Variants in PUM1 observed in about 807,000 individuals in gnomAD.
The protein encoded by PUM1 is pumilio homolog 1.
A neutral mutation model predicts 131.8 loss-of-function variants in PUM1; 13 were observed. That is an observed-to-expected ratio of 0.10 (90% confidence interval 0.06 to 0.16). PUM1 has a LOEUF of 0.16. PUM1 is among the 10% of genes least tolerant of loss of function. PUM1 has a pLI of 1.00. For synonymous variants in PUM1, 509 were observed against 556.5 expected (o/e 0.91, Z 1.20); for missense variants, 961 against 1,512.4 (o/e 0.64, Z 6.05).
intron 2 of PUM1, among the ~76,000 whole-genome samples, chr1:31,038,984 A>ATATATTTTTTTTTTTTT: frequency 1.2e-4 from 6 of 49,414 alleles, no homozygotes; most frequent in African/African-American, 8.3e-4. Flanking sequence ...ATATATATAT[A>ATATATTTTTTTTTTTTT]TTTTTTTTTT....
intron 2 of PUM1, chr1:31,036,704 A>G (rs1643622741): frequency 6.6e-6 from 1 of 152,578 alleles, no homozygotes; most frequent in African/African-American, 2.4e-5. Context: ...GAAGAATGCT[A>G]TGAAGTTCCT....
At chr1:30,969,337 G>GAAAAGA (rs1640777195) in intron 10 of PUM1, among the ~76,000 whole-genome samples, 1 of 115,324 alleles carries the variant, frequency 8.7e-6, no homozygotes, top group South Asian at 2.7e-4. Flanking sequence ...AAAAAAAAAA[G>GAAAAGA]AAAAAAAAAG....
At chr1:31,046,776 C>T (rs960503251) in intron 2 of PUM1, among the ~76,000 whole-genome samples, 3 of 152,036 alleles carry the variant, frequency 2.0e-5, no homozygotes, top group African/African-American at 7.2e-5. Flanking sequence ...GGCCCAACTG[C>T]AAGTACCAAC....
chr1:31,020,794 G>A (rs1454143161), intron 3 of PUM1, among the ~76,000 whole-genome samples: 2 of 152,108 alleles, frequency 1.3e-5, no homozygotes, highest in African/African-American at 4.8e-5. Flanking sequence ...TGTATATAGG[G>A]AATACAACAC....
At chr1:31,037,922 CA>C (rs1323015914) in intron 2 of PUM1, among the ~76,000 whole-genome samples, 1 of 149,664 alleles carries the variant, frequency 6.7e-6, no homozygotes, top group African/African-American at 2.5e-5. Context: ...CTAAAAAATA[CA>C]AAAAAATTAG....
At chr1:31,041,863 CTTTT>C (rs979158820) in intron 2 of PUM1, among the ~76,000 whole-genome samples, 2 of 151,820 alleles carry the variant, frequency 1.3e-5, no homozygotes, top group African/African-American at 4.8e-5. Flanking sequence ...GACTAACATA[CTTTT>C]TTTAAAAAAA....
At chr1:30,971,954 C>A (rs10914239) in intron 10 of PUM1, among the ~76,000 whole-genome samples, 5,599 of 151,928 alleles carry the variant, frequency 0.037, 319 homozygotes, top group African/African-American at 0.13. Context: ...CCACAAAGAG[C>A]AGTTATTAAG....
At chr1:30,992,365 A>G (rs751755806) in intron 7 of PUM1, 25 bp downstream of exon 7, 1 of 1,603,760 alleles carries the variant, frequency 6.2e-7, no homozygotes. Flanking sequence ...GAGAGTAGAG[A>G]GGGTGACAGA....
In PUM1 at chr1:31,021,094, G is replaced by A. The variant is rs74442375; in HGVS notation, c.432+7702C>T. 1.9e-3 allele frequency among the ~76,000 whole-genome samples: 292 copies of A among 152,228 alleles called. 1 individual carries two copies. Among genetic ancestry groups the A allele is most frequent in the Middle Eastern group, 3.4e-3 (1 of 294 alleles). ...GAAAGTACCATCGATCTGTAACAAC[G>A]TAACAACTATATTAAACAAAAGATC... On this transcript the variant is annotated intron_variant, in intron 3 of 21. Coordinates refer to ENST00000426105, the MANE Select transcript of PUM1 (RefSeq NM_001020658.2).
chr1:31,028,117 T>A (rs1474592044), intron 3 of PUM1, among the ~76,000 whole-genome samples: 2 of 152,208 alleles, frequency 1.3e-5, no homozygotes, highest in Admixed American at 1.3e-4. Context: ...ATGTTAGATA[T>A]CTATACTCCC....
intron 14 of PUM1, among the ~76,000 whole-genome samples, chr1:30,961,229 G>A (rs1462838190): frequency 2.0e-5 from 3 of 150,884 alleles, no homozygotes; most frequent in Admixed American, 6.6e-5. Flanking sequence ...AAAAAAAGGA[G>A]CCAGGAATAG....
chr1:31,031,272 T>C (rs776580235), intron 2 of PUM1, among the ~76,000 whole-genome samples: 2 of 152,196 alleles, frequency 1.3e-5, no homozygotes, highest in Non-Finnish European at 2.9e-5. Flanking sequence ...TACATTTAAA[T>C]AGAGCTAGAC....
chr1:30,945,554 C>T, intron 17 of PUM1, 71 bp from the exon 18 acceptor site: 1 of 1,540,690 alleles, frequency 6.5e-7, no homozygotes, highest in Non-Finnish European at 8.9e-7. Context: ...ATTCTTTTCA[C>T]CAAACATGAA....
intron 2 of PUM1, among the ~76,000 whole-genome samples, chr1:31,050,321 C>T (rs1258339554): frequency 1.3e-5 from 2 of 151,828 alleles, no homozygotes; most frequent in Non-Finnish European, 2.9e-5. Context: ...CCTGTCTCTA[C>T]TAAAAATACA....
At chr1:30,933,411 C>A in intron 21 of PUM1, 69 bp from the exon 22 acceptor site, 1 of 1,392,176 alleles carries the variant, frequency 7.2e-7, no homozygotes, top group Non-Finnish European at 1.0e-6. Context: ...CCCGGACATG[C>A]ATTTGCATGT....
At chr1:31,063,595 G>A (rs1349401850) in intron 1 of PUM1, among the ~76,000 whole-genome samples, 1 of 151,930 alleles carries the variant, frequency 6.6e-6, no homozygotes, top group Admixed American at 6.6e-5. Context: ...AATTACACTT[G>A]TACCTCACAA....
At chr1:30,999,789 A>G (rs1417988569) in intron 5 of PUM1, among the ~76,000 whole-genome samples, 6 of 152,180 alleles carry the variant, frequency 3.9e-5, no homozygotes, top group Admixed American at 6.5e-5. Context: ...AAAGTTTTAT[A>G]AAGATAAGCC....
intron 2 of PUM1, among the ~76,000 whole-genome samples, chr1:31,048,041 C>A (rs1570350919): frequency 6.6e-6 from 1 of 151,514 alleles, no homozygotes; most frequent in Non-Finnish European, 1.5e-5. Context: ...GAGATCGAGA[C>A]CCTCCTGGCT....
chr1:30,941,901 T>G (rs770203552), intron 19 of PUM1, 97 bp downstream of exon 19: 1 of 1,274,954 alleles, frequency 7.8e-7, no homozygotes, highest in Non-Finnish European at 1.1e-6. Flanking sequence ...TTAAAACACA[T>G]TAACCTCTTC....
Sources: allele counts gnomAD v4.1 joint callset (sites outside exome capture counted in the v4.1 genomes callset), GRCh38; gene constraint gnomAD v4.1.1; transcripts MANE v1.5; gene names NCBI Gene and HGNC (gene_info 2026-07-23, HGNC 2026-07-21).